The following MUC20 variants were observed in gnomAD, a reference collection of about 807,000 sequenced individuals.
MUC20 encodes mucin 20, cell surface associated.
Under a neutral mutation model 23.8 loss-of-function variants are expected in MUC20, and 14 were observed. That is an observed-to-expected ratio of 0.59 (90% confidence interval 0.39 to 0.92). MUC20 has a LOEUF of 0.92. MUC20 is among the 40% of genes least tolerant of loss of function. MUC20 has a pLI of 0.00. For synonymous variants in MUC20, 166 were observed against 279.3 expected (o/e 0.59, Z 4.04); for missense variants, 375 against 668.8 (o/e 0.56, Z 4.85).
intron 3 of MUC20, chr3:195,730,047 A>T: frequency 9.4e-6 from 2 of 211,930 alleles, no homozygotes; most frequent in Non-Finnish European, 1.8e-5. Flanking sequence ...ATGGGAGGGT[A>T]GGTCGGACTC....
Position 195,729,647 on chromosome 3 carries a change from G to C in MUC20, c.1970-1G>C. 1 of 1,575,602 alleles carries C rather than the reference G, an allele frequency of 6.3e-7. No homozygotes were observed. Among genetic ancestry groups the C allele is most frequent in the East Asian group, 2.3e-5 (1 of 43,220 alleles). On this transcript the variant is annotated splice_acceptor_variant, in intron 2 of 3. Transcript: ENST00000447234. LOFTEE classifies it high-confidence loss of function. ...TTCATCTTACTGTTCTCCATTTGCA[G>C]GTGAAAATGGAGGTTTCCTCCTCCT... is the stretch of plus-strand genomic sequence containing the variant.
At chr3:195,729,768 G>T in intron 3 of MUC20, 29 bp downstream of exon 3, 1 of 1,568,086 alleles carries the variant, frequency 6.4e-7, no homozygotes, top group South Asian at 1.2e-5. Context: ...GGCCAGGGGA[G>T]TAGAGGAAGG....
chr3:195,727,102 A>T (rs1045725010), intron 2 of MUC20, among the ~76,000 whole-genome samples: 3 of 152,288 alleles, frequency 2.0e-5, no homozygotes, highest in Non-Finnish European at 4.4e-5. Context: ...ATAGTGACTT[A>T]AAATAAATTA....
At chr3:195,728,683 G>A (rs555655058) in intron 2 of MUC20, among the ~76,000 whole-genome samples, 2 of 152,190 alleles carry the variant, frequency 1.3e-5, no homozygotes, top group East Asian at 1.9e-4. Context: ...CCCTTTACGG[G>A]TGTCAGCCTG....
At chr3:195,727,548 G>A (rs923694077) in intron 2 of MUC20, among the ~76,000 whole-genome samples, 19 of 152,266 alleles carry the variant, frequency 1.2e-4, no homozygotes, top group African/African-American at 3.9e-4. Flanking sequence ...CTCTGCCCTT[G>A]GGCCTCATCT....
rs545723035 is a variant in MUC20, at chr3:195,721,295, A to C, written c.76+212A>C. 7.9e-5 allele frequency among the ~76,000 whole-genome samples: 12 copies of C among 152,204 alleles called. No homozygotes were observed. In the South Asian group the frequency reaches 2.1e-3, roughly 26 times the overall value. On this transcript the variant is annotated intron_variant, in intron 1 of 3. Transcript: ENST00000447234. ...CGTGCATGGCGCTGCAGTACACACTAATCAACCATGACGATGTGTGTGAGT... is the reference window on the plus strand; with the variant it reads ...CGTGCATGGCGCTGCAGTACACACTCATCAACCATGACGATGTGTGTGAGT...
intron 3 of MUC20, among the ~76,000 whole-genome samples, chr3:195,731,962 G>A (rs553777073): frequency 6.8e-6 from 1 of 146,398 alleles, no homozygotes; most frequent in South Asian, 2.2e-4. Flanking sequence ...TTGTGGGAGA[G>A]GGAAGCCAAT....
chr3:195,733,501 C>G lies in MUC20; in HGVS notation c.*283C>G. The G allele has an allele frequency of 7.3e-7, 1 of 1,377,706 alleles. No homozygotes were observed. The highest frequency in any genetic ancestry group is 9.3e-7 in the Non-Finnish European group (1 of 1,069,570). 85.3% of individuals were successfully genotyped at this position (1,377,706 alleles called of 1,614,324 possible). ...GTGTTTCAGTAAAGAGAGACCTGAT[C>G]ACCCATCTGTGTGCTTCCATCCTGC... On this transcript the variant is annotated 3_prime_UTR_variant, in exon 4 of 4. Transcript: ENST00000447234.
intron 3 of MUC20, among the ~76,000 whole-genome samples, chr3:195,731,921 A>G (rs1713429002): frequency 6.6e-6 from 1 of 152,018 alleles, no homozygotes; most frequent in Non-Finnish European, 1.5e-5. Context: ...TGCCCCCGGC[A>G]TGTGATAATC....
chr3:195,731,264 G>A (rs1436330782), intron 3 of MUC20, among the ~76,000 whole-genome samples: 2 of 152,262 alleles, frequency 1.3e-5, no homozygotes, highest in African/African-American at 4.8e-5. Context: ...CAGGCTTCCT[G>A]TCATCCCTTG....
chr3:195,730,520 GT>G (rs72121428), intron 3 of MUC20, among the ~76,000 whole-genome samples: 199 of 148,364 alleles, frequency 1.3e-3, no homozygotes, highest in African/African-American at 4.1e-3. Flanking sequence ...TAATTTTTAT[GT>G]TTTTTTTTTT....
In MUC20 at chr3:195,726,416, G is replaced by A. The variant is rs747365863; in HGVS notation, c.1813G>A (p.Asp605Asn). The A allele has an allele frequency of 6.2e-7, 1 of 1,614,030 alleles. No individual in the cohort carries two copies. Among genetic ancestry groups the A allele is most frequent in the Admixed American group, 1.7e-5 (1 of 60,036 alleles). Reference protein sequence around the residue: ...ATKGPFPTSRDPLPSVPPTTT... With the variant: ...ATKGPFPTSRNPLPSVPPTTT... ...CAAGGGGCCCTTCCCCACCAGCAGG[G>A]ACCCTCTTCCTTCTGTCCCTCCGAC... The change falls in exon 2 of 4, where the codon GAC becomes AAC. Residue 605 changes from aspartate (D) to asparagine (N), a missense_variant. This residue lies in a region of MUC20 where 343 missense variants were observed against 340.2 expected (regional missense o/e 1.01). Transcript: ENST00000447234.
chr3:195,729,627 C>A, intron 2 of MUC20, 21 bp from the exon 3 acceptor site: 8 of 1,560,860 alleles, frequency 5.1e-6, no homozygotes, highest in Non-Finnish European at 7.0e-6. Flanking sequence ...TGATTTTCAT[C>A]TTACTGTTCT....
In MUC20 at chr3:195,733,511, TG is replaced by T. The variant is rs1218244335; in HGVS notation, c.*294del. The T allele has an allele frequency of 7.4e-7, 1 of 1,360,002 alleles. No homozygotes were observed. Among genetic ancestry groups the T allele is most frequent in the Non-Finnish European group, 9.4e-7 (1 of 1,060,146 alleles). 84.2% of individuals were successfully genotyped at this position (1,360,002 alleles called of 1,614,324 possible). On this transcript the variant is annotated 3_prime_UTR_variant, in exon 4 of 4. Coordinates refer to ENST00000447234, the MANE Select transcript of MUC20 (RefSeq NM_001282506.2). ...AAAGAGAGACCTGATCACCCATCTGTGTGCTTCCATCCTGCATTAAAATTCA... is the reference window on the plus strand; with the variant it reads ...AAAGAGAGACCTGATCACCCATCTGTTGCTTCCATCCTGCATTAAAATTCA...
chr3:195,729,833 C>A, intron 3 of MUC20, 94 bp downstream of exon 3: 2 of 1,247,860 alleles, frequency 1.6e-6, no homozygotes, highest in Non-Finnish European at 2.3e-6. Flanking sequence ...AGAGCAGCTA[C>A]CGCGCTTGGA....
chr3:195,726,786 G>A (rs1712735515), intron 2 of MUC20, among the ~76,000 whole-genome samples: 1 of 152,270 alleles, frequency 6.6e-6, no homozygotes, highest in Non-Finnish European at 1.5e-5. Flanking sequence ...TGGAAGTCCG[G>A]AGAAATGGTT....
At chr3:195,733,119 T>C in intron 3 of MUC20, 31 bp from the exon 4 acceptor site, 3 of 1,567,268 alleles carry the variant, frequency 1.9e-6, no homozygotes, top group Middle Eastern at 3.3e-4. Context: ...CCAGATGGGC[T>C]GAAAGGACAG....
At chr3:195,730,051 C>T (rs1346237212) in intron 3 of MUC20, 10 of 219,488 alleles carry the variant, frequency 4.6e-5, no homozygotes, top group South Asian at 3.7e-4. Flanking sequence ...GAGGGTAGGT[C>T]GGACTCTTGG....
intron 2 of MUC20, among the ~76,000 whole-genome samples, chr3:195,727,311 A>C (rs946358254): frequency 6.6e-6 from 1 of 152,282 alleles, no homozygotes; most frequent in East Asian, 1.9e-4. Flanking sequence ...GAGGCAGGAG[A>C]ATCACTTGAA....
Sources: gnomAD v4.1 joint callset for allele counts (sites outside exome capture counted in the v4.1 genomes callset) on GRCh38, gnomAD v4.1.1 for gene constraint, gnomAD v4.1.1 regional missense constraint, MANE v1.5 for transcripts, NCBI Gene and HGNC (gene_info 2026-07-23, HGNC 2026-07-21) for gene names.